RGS18: variants seen among roughly 807,000 people sequenced by gnomAD.
RGS18 encodes regulator of G protein signaling 18, also known as regulator of G-protein signaling 18.
A neutral mutation model predicts 27.6 loss-of-function variants in RGS18; 22 were observed. The observed-to-expected ratio is 0.80, with a 90% CI of 0.57 to 1.14. The LOEUF is 1.14. RGS18 is among the 50% of genes most tolerant of loss of function. The probability of loss-of-function intolerance (pLI) is 0.00; values close to 1 mark genes in which losing one functional copy is unlikely to be tolerated. For missense variants in RGS18, 299 were observed against 269.6 expected, an observed-to-expected ratio of 1.11 and a Z score of -0.76; for synonymous variants, 89 against 84.6, an observed-to-expected ratio of 1.05 and a Z score of -0.29.
At chr1:192,183,215 C>A (rs10921107) in intron 4 of RGS18, among the ~76,000 whole-genome samples, 61,129 of 151,300 alleles carry the variant, frequency 0.4, 13,828 homozygotes, top group East Asian at 0.71. Context: ...AAGAAAGCCC[C>A]TACCTGAAAA....
intron 4 of RGS18, 119 bp downstream of exon 4, chr1:192,181,577 CAT>C (rs1365392892): frequency 4.5e-6 from 3 of 660,146 alleles, no homozygotes; most frequent in African/African-American, 1.9e-5. Context: ...TTATAATTGA[CAT>C]GTAATAATTA....
rs1656360310 is a variant in RGS18 at position 192,176,448 on chromosome 1, GT to G, written c.284-4843del. ...AGAGCAAACCTAGCACTCACTTCAT[GT>G]GTTTTTCTTCTCATCTGTTGCCAGT... is the stretch of plus-strand genomic sequence containing the variant. On this transcript the variant is annotated intron_variant, in intron 3 of 4. Transcript: ENST00000367460. 2.0e-5 allele frequency among the ~76,000 whole-genome samples: 3 copies of G among 151,714 alleles called. No individual in the cohort carries two copies. The South Asian group carries it at 6.2e-4, about 32-fold the overall frequency.
At chr1:192,158,779 C>A in intron 1 of RGS18, 23 bp downstream of exon 1, 1 of 1,436,772 alleles carries the variant, frequency 7.0e-7, no homozygotes, top group South Asian at 1.3e-5. Context: ...AATTTTAAGT[C>A]AGCCTTATAC....
intron 3 of RGS18, among the ~76,000 whole-genome samples, chr1:192,170,128 G>A (rs894300033): frequency 6.6e-6 from 1 of 152,080 alleles, no homozygotes; most frequent in Non-Finnish European, 1.5e-5. Context: ...TTTTTTTGTG[G>A]TGGTTTTCTT....
intron 3 of RGS18, among the ~76,000 whole-genome samples, chr1:192,162,438 A>C (rs1226130015): frequency 6.6e-6 from 1 of 152,070 alleles, no homozygotes; most frequent in Non-Finnish European, 1.5e-5. Flanking sequence ...CCTCTGGAGT[A>C]GCTGGGATTA....
At chr1:192,159,135 C>T in intron 1 of RGS18, 85 bp from the exon 2 acceptor site, 1 of 901,468 alleles carries the variant, frequency 1.1e-6, no homozygotes, top group South Asian at 1.5e-5. Context: ...TGGGTTTTTA[C>T]CAACTACAAA....
In RGS18 at chr1:192,181,394, A is replaced by C; in HGVS notation, c.386A>C (p.Gln129Pro). 1 of 1,594,096 alleles carries C rather than the reference A, an allele frequency of 6.3e-7. No individual in the cohort carries two copies. Among genetic ancestry groups the C allele is most frequent in the Non-Finnish European group, 8.5e-7 (1 of 1,171,278 alleles). ...GATTTCAAGAAAAGCAAGGGACCTCAACAAATTCACCTTAAAGCAAAAGCA... is the reference window on the plus strand; with the variant it reads ...GATTTCAAGAAAAGCAAGGGACCTCCACAAATTCACCTTAAAGCAAAAGCA... ...CEDFKKSKGPQQIHLKAKAIY... is the reference protein window; with the variant it reads ...CEDFKKSKGPPQIHLKAKAIY... Residue 129 changes from glutamine (Q) to proline (P), a missense_variant, in exon 4 of 5, where the codon CAA becomes CCA. By Grantham distance (76) the Gln-to-Pro change is moderately conservative. Coordinates refer to ENST00000367460, the MANE Select transcript of RGS18 (RefSeq NM_130782.3).
chr1:192,177,146 T>C (rs1656372210), intron 3 of RGS18, among the ~76,000 whole-genome samples: 1 of 151,850 alleles, frequency 6.6e-6, no homozygotes, highest in African/African-American at 2.4e-5. Context: ...AGCATGAAAC[T>C]AGAATATTAA....
At chr1:192,178,002 A>T (rs1279680493) in intron 3 of RGS18, among the ~76,000 whole-genome samples, 2 of 151,736 alleles carry the variant, frequency 1.3e-5, no homozygotes, top group African/African-American at 4.8e-5. Context: ...CAGGGTCACC[A>T]GTTAGGAGGT....
intron 1 of RGS18, 29 bp downstream of exon 1, chr1:192,158,785 T>C: frequency 1.4e-6 from 2 of 1,427,150 alleles, no homozygotes; most frequent in Non-Finnish European, 1.9e-6. Context: ...AAGTCAGCCT[T>C]ATACTTTTAA....
intron 3 of RGS18, chr1:192,163,664 T>C (rs754870832): frequency 6.6e-6 from 1 of 152,056 alleles, no homozygotes; most frequent in Non-Finnish European, 1.5e-5. Context: ...TATATTATAT[T>C]GAATTCACAG....
rs779690802 is a variant in RGS18 at position 192,158,685 on chromosome 1, A to G, written c.48A>G (p.Ser16=). The part of the protein sequence containing the change: ...LFFSQINMCE[S]KEKTFFKLIH... ...TTTCTCAAATAAATATGTGTGAATC[A>G]AAAGAAAAAACTTTTTTCAAGTTAA... is the stretch of plus-strand genomic sequence containing the variant. The change falls in exon 1 of 5, where the codon TCA becomes TCG. Residue 16 remains serine, a synonymous_variant. Transcript: ENST00000367460. 6.3e-7 allele frequency: 1 copy of G among 1,581,882 alleles called. No homozygotes were observed. Among genetic ancestry groups the G allele is most frequent in the African/African-American group, 1.4e-5 (1 of 73,212 alleles).
chr1:192,158,512 T>A lies in RGS18; in HGVS notation c.-126T>A, dbSNP rs548227423. 1 of 861,686 alleles carries A rather than the reference T, an allele frequency of 1.2e-6. No homozygotes were observed. The highest frequency in any genetic ancestry group is 3.6e-5 in the East Asian group (1 of 28,024). 53.4% of individuals were successfully genotyped at this position (861,686 alleles called of 1,614,324 possible). A position where few individuals can be genotyped will look rare whatever the true frequency, so the allele number is the denominator to read the frequency against. The stretch of plus-strand genomic sequence containing the variant: ...AAGAAACGCAGCTCTTGACTTCTTT[T>A]TTGTAAACATTACTGTAAGAGTTGT... On this transcript the variant is annotated 5_prime_UTR_variant, in exon 1 of 5. Coordinates refer to ENST00000367460, the MANE Select transcript of RGS18 (RefSeq NM_130782.3).
chr1:192,176,124 A>C (rs1188512781), intron 3 of RGS18, among the ~76,000 whole-genome samples: 1 of 151,840 alleles, frequency 6.6e-6, no homozygotes, highest in East Asian at 1.9e-4. Context: ...AAAGGAACAC[A>C]GCAAGGTTAT....
Position 192,184,739 on chromosome 1 carries a change from A to C in RGS18, c.*185A>C, listed in dbSNP as rs887997835. ...ACAGTATCTGCCAGTATATTCTGTA[A>C]AACCTTCTATTTGATGTCATTCCAT... On this transcript the variant is annotated 3_prime_UTR_variant, in exon 5 of 5. Transcript: ENST00000367460. The C allele has an allele frequency of 3.6e-6, 2 of 550,996 alleles. No homozygotes were observed. Among genetic ancestry groups the C allele is most frequent in the Non-Finnish European group, 6.3e-6 (2 of 315,092 alleles). The allele number at this position is 550,996 out of a possible 1,614,324, so 34.1% of individuals were successfully genotyped here.
chr1:192,183,754 C>A (rs1656495050), intron 4 of RGS18, among the ~76,000 whole-genome samples: 1 of 151,482 alleles, frequency 6.6e-6, no homozygotes, highest in South Asian at 2.1e-4. Flanking sequence ...GAATATTCAG[C>A]CACAGAAAGA....
chr1:192,174,220 T>G lies in RGS18; in HGVS notation c.284-7072T>G, dbSNP rs1656318076. On this transcript the variant is annotated intron_variant, in intron 3 of 4. Coordinates refer to ENST00000367460, the MANE Select transcript of RGS18 (RefSeq NM_130782.3). ...ACACACTGGTTATTGTGTGCTTATTTTCAAATATTTGTTTTTGTTTTGTTT... is the reference window on the plus strand; with the variant it reads ...ACACACTGGTTATTGTGTGCTTATTGTCAAATATTTGTTTTTGTTTTGTTT... Among the ~76,000 whole-genome samples the G allele has an allele frequency of 2.0e-5, 3 of 151,974 alleles. No homozygotes were observed. The South Asian group carries it at 6.2e-4, about 31-fold the overall frequency.
At chr1:192,165,861 TTGTC>T (rs147310264) in intron 3 of RGS18, among the ~76,000 whole-genome samples, 2,952 of 152,304 alleles carry the variant, frequency 0.019, 61 homozygotes, top group South Asian at 0.073. Flanking sequence ...ATTGTCAAAT[TTGTC>T]TGAAGTTTCA....
intron 2 of RGS18, 28 bp from the exon 3 acceptor site, chr1:192,160,350 A>G: frequency 6.5e-7 from 1 of 1,535,014 alleles, no homozygotes; most frequent in Admixed American, 1.7e-5. Context: ...TGCACACTCC[A>G]TTATAAAACA....
Sources: allele counts gnomAD v4.1 joint callset (sites outside exome capture counted in the v4.1 genomes callset), GRCh38; gene constraint gnomAD v4.1.1; transcripts MANE v1.5; gene names NCBI Gene and HGNC (gene_info 2026-07-23, HGNC 2026-07-21).